Variants in COL20A1 observed in about 807,000 individuals in gnomAD.
COL20A1 encodes the protein collagen alpha-1(XX) chain.
A neutral mutation model predicts 152.9 loss-of-function variants in COL20A1; 164 were observed. The ratio of observed to expected loss-of-function variants is 1.07; its 90% confidence interval spans 0.94 to 1.22. COL20A1 has a LOEUF of 1.22. COL20A1 is among the 50% of genes most tolerant of loss of function. The probability of loss-of-function intolerance (pLI) is 0.00; values close to 1 mark genes in which losing one functional copy is unlikely to be tolerated. For missense variants in COL20A1, 1,873 were observed against 1,744.8 expected (o/e 1.07, Z -1.31); for synonymous variants, 864 against 756.0 (o/e 1.14, Z -2.34).
intron 3 of COL20A1, among the ~76,000 whole-genome samples, chr20:63,304,288 C>CT: frequency 8.6e-6 from 1 of 116,420 alleles, no homozygotes; most frequent in African/African-American, 3.5e-5. Flanking sequence ...TTCCTCCCTC[C>CT]CTTCCTCCCT....
intron 25 of COL20A1, 84 bp from the exon 26 acceptor site, chr20:63,320,929 G>A (rs1474756819): frequency 2.2e-5 from 23 of 1,051,982 alleles, no homozygotes; most frequent in East Asian, 5.2e-5. Context: ...TGGAGCCCAG[G>A]TGTCATTGGC....
At position 63,307,986 on chromosome 20, in the gene COL20A1, G is replaced by T; in HGVS notation, c.671G>T (p.Ser224Ile). ...TGCTCCCCAGGCCTGACTCAGTACA[G>T]CGGGGATGCTCAGACTGAGTGGGAC... ...DKVQVGLTQY[S>I]GDAQTEWDLN... Residue 224 changes from serine to isoleucine, a missense_variant, in exon 7 of 36, where the codon AGC (serine) becomes ATC (isoleucine). Transcript: ENST00000358894. 2.5e-6 allele frequency: 4 copies of T among 1,612,596 alleles called. No individual in the cohort carries two copies. Among genetic ancestry groups the T allele is most frequent in the Non-Finnish European group, 3.4e-6 (4 of 1,179,740 alleles).
chr20:63,317,869 G>A (rs957490814), intron 21 of COL20A1, among the ~76,000 whole-genome samples: 4 of 152,140 alleles, frequency 2.6e-5, no homozygotes, highest in African/African-American at 7.2e-5. Context: ...GACGCCCCCC[G>A]CCCCCCTCTC....
intron 30 of COL20A1, 147 bp downstream of exon 30, chr20:63,326,296 G>A: frequency 3.0e-6 from 2 of 665,616 alleles, no homozygotes; most frequent in Non-Finnish European, 5.3e-6. Context: ...GGAACTTTCT[G>A]CAGGGCCCTG....
Position 63,313,876 on chromosome 20 carries a change from G to A in COL20A1, c.2343G>A (p.Leu781=), listed in dbSNP as rs375149179. 1 of 1,603,242 alleles carries A rather than the reference G, an allele frequency of 6.2e-7. No individual in the cohort carries two copies. Among genetic ancestry groups the A allele is most frequent in the African/African-American group, 1.3e-5 (1 of 74,480 alleles). The change falls in exon 18 of 36, where the codon TTG becomes TTA. Residue 781 remains leucine (L), a synonymous_variant. Coordinates refer to ENST00000358894, the MANE Select transcript of COL20A1 (RefSeq NM_020882.4). The surrounding 1 kb of genome is among the most constrained non-coding windows in gnomAD (Gnocchi z 5.9). ...TCACCTACGCCCCCGCCTCTGGCTT[G>A]GGACCCGAGAAATCCGTGAGTCTTG... ...YWLTYAPASG[L]GPEKSVSVPG... is the part of the protein sequence containing the mutation.
Position 63,313,679 on chromosome 20 carries a change from C to T in COL20A1, c.2210-64C>T, listed in dbSNP as rs1276698019. ...GGGTAGGGGCTGGGCAGCTGGTCCT[C>T]TGGCCACCGGGTGCCTCCTTTCTGG... On this transcript the variant is annotated intron_variant, in intron 17 of 35. Transcript: ENST00000358894. The surrounding 1 kb of genome is among the most constrained non-coding windows in gnomAD (Gnocchi z 5.9). The T allele has an allele frequency of 4.1e-6, 6 of 1,465,268 alleles. No homozygotes were observed. The East Asian group carries it at 9.7e-5, about 24-fold the overall frequency. 90.8% of individuals were successfully genotyped at this position (1,465,268 alleles called of 1,614,324 possible).
Position 63,311,414 on chromosome 20 carries a change from G to C in COL20A1, c.1414G>C (p.Ala472Pro). ...VTTAPLPPPRALTLAAVTPRT... is the reference protein window; with the variant it reads ...VTTAPLPPPRPLTLAAVTPRT... ...CCCAGCACCTCTGCCTCCGCCCCGG[G>C]CGCTGACCCTGGCCGCAGTGACGCC... The change falls in exon 12 of 36, where the codon GCG becomes CCG. Residue 472 changes from alanine (A) to proline (P), a missense_variant. Coordinates refer to ENST00000358894, the MANE Select transcript of COL20A1 (RefSeq NM_020882.4). This position sits in a 1 kb window ranked among gnomAD's most constrained non-coding sequence, Gnocchi z 4.4. 1 of 1,581,554 alleles carries C rather than the reference G, an allele frequency of 6.3e-7. No individual in the cohort carries two copies. Among genetic ancestry groups the C allele is most frequent in the Non-Finnish European group, 8.6e-7 (1 of 1,164,630 alleles).
chr20:63,305,506 A>T lies in COL20A1; in HGVS notation c.283A>T (p.Ile95Phe), dbSNP rs759856484. The T allele has an allele frequency of 6.2e-7, 1 of 1,606,852 alleles. No homozygotes were observed. The highest frequency in any genetic ancestry group is 8.5e-7 in the Non-Finnish European group (1 of 1,177,436). Residue 95 changes from isoleucine (I) to phenylalanine (F), a missense_variant, in exon 4 of 36, where the codon ATC becomes TTC. Transcript: ENST00000358894. The surrounding 1 kb of genome is among the most constrained non-coding windows in gnomAD (Gnocchi z 4.9). ...CCCCTCCAAGGGCTACACCTTGCAG[A>T]TCTTCGAGCTCACTGGCTCTGGGCG... The part of the protein sequence containing the change: ...LSPSKGYTLQ[I>F]FELTGSGRFL...
chr20:63,294,409 A>G (rs896462889), intron 1 of COL20A1, among the ~76,000 whole-genome samples: 3 of 150,454 alleles, frequency 2.0e-5, no homozygotes, highest in African/African-American at 7.4e-5. Flanking sequence ...CCCAAATCCA[A>G]CCTCCACTCC....
chr20:63,320,181 G>A lies in COL20A1; in HGVS notation c.3059G>A (p.Arg1020Gln), dbSNP rs200857441. 208 of 1,570,780 alleles carry A rather than the reference G, an allele frequency of 1.3e-4. No individual in the cohort carries two copies. In the African/African-American group the frequency reaches 2.1e-3, roughly 16 times the overall value. ...LGRLAKARGP[R>Q]SSSAAFQLQM... ...AGGCTGGCCAAGGCCAGGGGCCCCC[G>A]GAGCAGTTCGGCCGCGGTGAGTTGG... The change falls in exon 24 of 36, where the codon CGG (arginine) becomes CAG (glutamine). Residue 1020 changes from arginine (R) to glutamine (Q), a missense_variant. Arg to Gln is a conservative substitution (Grantham distance 43). Transcript: ENST00000358894.
intron 35 of COL20A1, 132 bp from the exon 36 acceptor site, chr20:63,330,588 G>T (rs1181389732): frequency 1.3e-5 from 2 of 152,362 alleles, no homozygotes; most frequent in African/African-American, 4.8e-5. Context: ...CCCACTCACG[G>T]CCCTGCTGGA....
chr20:63,303,253 G>C (rs2067881339), intron 3 of COL20A1, among the ~76,000 whole-genome samples: 1 of 152,138 alleles, frequency 6.6e-6, no homozygotes, highest in South Asian at 2.1e-4. Context: ...TTGAAATGGG[G>C]TCTCACTATA....
In COL20A1 at chr20:63,331,744, C is replaced by G; in HGVS notation, c.*1028C>G. ...TTAGGCAGCTAAGCAAGAAAGGTGCCAGAAATGAAGAGGGAAGCCATATCA... is the reference window on the plus strand; with the variant it reads ...TTAGGCAGCTAAGCAAGAAAGGTGCGAGAAATGAAGAGGGAAGCCATATCA... On this transcript the variant is annotated 3_prime_UTR_variant, in exon 36 of 36. Coordinates refer to ENST00000358894, the MANE Select transcript of COL20A1 (RefSeq NM_020882.4). 1 of 152,052 alleles carries G rather than the reference C, an allele frequency of 6.6e-6. No individual in the cohort carries two copies. Among genetic ancestry groups the G allele is most frequent in the East Asian group, 1.9e-4 (1 of 5,196 alleles). The allele number at this position is 152,052 out of a possible 1,614,324, so 9.4% of individuals were successfully genotyped here. A position where few individuals can be genotyped will look rare whatever the true frequency, so the allele number is the denominator to read the frequency against.
intron 10 of COL20A1, 51 bp from the exon 11 acceptor site, chr20:63,310,330 C>T: frequency 1.9e-6 from 3 of 1,593,608 alleles, no homozygotes; most frequent in Non-Finnish European, 2.6e-6. Flanking sequence ...TCCTGCTCCC[C>T]ATCCCCCGGC....
chr20:63,327,819 G>A, intron 31 of COL20A1, 133 bp from the exon 32 acceptor site: 1 of 894,658 alleles, frequency 1.1e-6, no homozygotes, highest in East Asian at 2.6e-5. Flanking sequence ...GGGAATTTGG[G>A]ATGGGGCTTT....
Position 63,311,568 on chromosome 20 carries a change from G to A in COL20A1, c.1539+29G>A, listed in dbSNP as rs747240203. 1.2e-6 allele frequency: 2 copies of A among 1,609,022 alleles called. No homozygotes were observed. The highest frequency in any genetic ancestry group is 1.9e-4 in the Middle Eastern group (1 of 5,398). On this transcript the variant is annotated intron_variant, in intron 12 of 35. Transcript: ENST00000358894. The surrounding 1 kb of genome is among the most constrained non-coding windows in gnomAD (Gnocchi z 4.4). ...AGCTGGGCCGGGGGGTGGCGGGGGA[G>A]GCAGAGGAGTGGGGCAGAGCGAGTG...
chr20:63,326,941 C>G, intron 31 of COL20A1, 118 bp downstream of exon 31: 1 of 631,116 alleles, frequency 1.6e-6, no homozygotes, highest in Admixed American at 4.2e-5. Flanking sequence ...CTACTGACCA[C>G]CTAGGGACTT....
At chr20:63,329,062 C>A in intron 34 of COL20A1, 1 of 168,294 alleles carries the variant, frequency 5.9e-6, no homozygotes, top group Non-Finnish European at 1.3e-5. Flanking sequence ...GATGACCCAG[C>A]CAGACGAGGA....
chr20:63,312,920 G>C lies in COL20A1; in HGVS notation c.2062G>C (p.Gly688Arg), dbSNP rs1474361639. Residue 688 changes from glycine to arginine, a missense_variant, in exon 16 of 36, where the codon GGG becomes CGG. Transcript: ENST00000358894. Reference protein sequence around the residue: ...YQITWTPLGEGKAHEISVPGN... With the variant: ...YQITWTPLGERKAHEISVPGN... ...GATCACGTGGACGCCCCTGGGAGAG[G>C]GGAAGGCTCACGAGGTGGGCAGGGG... is the stretch of plus-strand genomic sequence containing the variant. 6.4e-7 allele frequency: 1 copy of C among 1,554,214 alleles called. No individual in the cohort carries two copies. Among genetic ancestry groups the C allele is most frequent in the Admixed American group, 1.9e-5 (1 of 52,110 alleles).
Sources: allele counts gnomAD v4.1 joint callset (sites outside exome capture counted in the v4.1 genomes callset), GRCh38; gene constraint gnomAD v4.1.1; non-coding constraint Gnocchi (gnomAD v3.1); transcripts MANE v1.5; gene names NCBI Gene and HGNC (gene_info 2026-07-23, HGNC 2026-07-21).